The following THOC2 variants were observed in gnomAD, a reference collection of about 807,000 sequenced individuals.
The protein encoded by THOC2 is THO complex subunit 2, also known as THO complex 2.
Under a neutral mutation model 128.4 loss-of-function variants are expected in THOC2, and 10 were observed. The ratio of observed to expected loss-of-function variants is 0.08; its 90% confidence interval spans 0.05 to 0.13. The LOEUF is 0.13. Among genes scored for constraint, THOC2 ranks in the 10% least tolerant of loss-of-function variants. The pLI, the probability that THOC2 is intolerant of heterozygous loss-of-function variation, is 1.00. For synonymous variants in THOC2, 393 were observed against 396.9 expected (o/e 0.99, Z 0.12); for missense variants, 535 against 1,155.7 (o/e 0.46, Z 7.79).
chrX:123,688,072 A>C (rs2050080116), intron 7 of THOC2, among the ~76,000 whole-genome samples: 1 of 112,278 alleles, frequency 8.9e-6, no homozygotes. Context: ...GTTTCTTTAA[A>C]ATTTAAACTT....
chrX:123,703,392 T>C, intron 4 of THOC2, 62 bp downstream of exon 4: 1 of 747,602 alleles, frequency 1.3e-6, no homozygotes. Context: ...AAACATTTTA[T>C]TTAACAAACA....
At chrX:123,699,862 C>T (rs1008134629) in intron 4 of THOC2, among the ~76,000 whole-genome samples, 3 of 111,919 alleles carry the variant, frequency 2.7e-5, no homozygotes, top group Non-Finnish European at 5.6e-5. Flanking sequence ...TGTTAGGAAA[C>T]GCTTAAAAGA....
intron 1 of THOC2, among the ~76,000 whole-genome samples, chrX:123,715,149 A>AC (rs772018420): frequency 2.6e-4 from 27 of 102,080 alleles, no homozygotes; most frequent in African/African-American, 8.7e-4. Context: ...CAGCACCACC[A>AC]CCCCCCCAAC....
At chrX:123,686,796 A>C in intron 7 of THOC2, 82 bp from the exon 8 acceptor site, 133 of 772,970 alleles carry the variant, frequency 1.7e-4, no homozygotes, top group Non-Finnish European at 2.2e-4. Flanking sequence ...GGAATAACTC[A>C]TATAGCAAGA....
At chrX:123,657,953 G>A (rs998093053) in intron 12 of THOC2, among the ~76,000 whole-genome samples, 2 of 86,257 alleles carry the variant, frequency 2.3e-5, no homozygotes, top group Non-Finnish European at 4.4e-5. Context: ...GATTACATAC[G>A]CATATGCGTG....
At chrX:123,662,481 G>A (rs1185579607) in intron 12 of THOC2, among the ~76,000 whole-genome samples, 3 of 107,912 alleles carry the variant, frequency 2.8e-5, no homozygotes, top group African/African-American at 1.0e-4. Flanking sequence ...CCAGCTACTC[G>A]GGAGGCTGAG....
At chrX:123,709,489 G>A (rs1335327336) in intron 2 of THOC2, among the ~76,000 whole-genome samples, 1 of 110,922 alleles carries the variant, frequency 9.0e-6, no homozygotes, top group African/African-American at 3.3e-5. Flanking sequence ...TACTCAGGAG[G>A]TTGAGGCAGG....
intron 12 of THOC2, among the ~76,000 whole-genome samples, chrX:123,660,085 A>G (rs992474667): frequency 1.8e-5 from 2 of 112,062 alleles, no homozygotes; most frequent in Non-Finnish European, 3.8e-5. Context: ...TTCTTCTTAC[A>G]CTGGTCTCTA....
At chrX:123,619,691 C>T (rs1396356036) in intron 32 of THOC2, 5 of 323,180 alleles carry the variant, frequency 1.5e-5, no homozygotes, top group African/African-American at 1.3e-4. Flanking sequence ...AAATAAATGT[C>T]AATGCCACAT....
chrX:123,610,952 G>A lies in THOC2; in HGVS notation c.4766C>T (p.Ser1589Leu), dbSNP rs752066937. 6.6e-6 allele frequency: 8 copies of A among 1,208,633 alleles called. No homozygotes were observed. The highest frequency in any genetic ancestry group is 4.4e-5 in the Admixed American group (2 of 45,564). ...AAGTCTTCATTATCTGTGCTTGTCC[G>A]AGGACTTATGAGTAGATGACAAATT... ...GKEEKKHHKS[S>L]DKHR The change falls in exon 38 of 39, where the codon TCG becomes TTG. Residue 1589 changes from serine to leucine, a missense_variant. Ser to Leu is a moderately radical substitution (Grantham distance 145). Around this residue, in one of 9 missense-constraint regions of THOC2, gnomAD observed 39 missense variants for 93.1 expected, o/e 0.42. Coordinates refer to ENST00000245838, the MANE Select transcript of THOC2 (RefSeq NM_001081550.2).
chrX:123,610,745 C>T (rs1173562326), intron 38 of THOC2, among the ~76,000 whole-genome samples, 173 bp downstream of exon 38: 2 of 111,941 alleles, frequency 1.8e-5, no homozygotes, highest in Non-Finnish European at 3.8e-5. Flanking sequence ...ATGAAAACAG[C>T]TTAAAAATAA....
chrX:123,696,629 T>C (rs1360096365), intron 6 of THOC2, 92 bp downstream of exon 6: 4 of 933,115 alleles, frequency 4.3e-6, no homozygotes, highest in Non-Finnish European at 5.7e-6. Context: ...AAAACAATCT[T>C]CAAAGTCCCC....
intron 12 of THOC2, among the ~76,000 whole-genome samples, chrX:123,663,193 G>A (rs764703164): frequency 3.6e-5 from 4 of 111,620 alleles, no homozygotes; most frequent in East Asian, 5.6e-4. Context: ...CAACCCAAAC[G>A]CCCATCAACT....
At chrX:123,708,572 C>T (rs1688327354) in intron 2 of THOC2, among the ~76,000 whole-genome samples, 1 of 109,413 alleles carries the variant, frequency 9.1e-6, no homozygotes. Flanking sequence ...AACTAAGGTC[C>T]CATGAGAATA....
At chrX:123,601,702 A>G (rs2046287389) in intron 38 of THOC2, 1 of 111,052 alleles carries the variant, frequency 9.0e-6, no homozygotes, top group Non-Finnish European at 1.9e-5. Flanking sequence ...TGACTTAAAA[A>G]AAAAATTGAA....
At chrX:123,667,769 AAC>A (rs1214915655) in intron 10 of THOC2, among the ~76,000 whole-genome samples, 2 of 110,091 alleles carry the variant, frequency 1.8e-5, no homozygotes, top group Non-Finnish European at 3.8e-5. Flanking sequence ...TAAAAAAAAA[AAC>A]AGACACAGGC....
At chrX:123,689,360 G>A (rs930499630) in intron 7 of THOC2, among the ~76,000 whole-genome samples, 7 of 112,023 alleles carry the variant, frequency 6.2e-5, no homozygotes, top group East Asian at 5.6e-4. Context: ...CTCAGGTGCC[G>A]TAAGTCCAAT....
intron 4 of THOC2, among the ~76,000 whole-genome samples, chrX:123,700,719 T>C (rs915116037): frequency 1.8e-5 from 2 of 112,085 alleles, no homozygotes; most frequent in African/African-American, 6.5e-5. Flanking sequence ...TGCATGGCCT[T>C]GAAAAATCAC....
At position 123,718,041 on chromosome X, in the gene THOC2, A is replaced by G. The variant is rs913114673; in HGVS notation, c.72-5133T>C. Among the ~76,000 whole-genome samples, 11 of 112,745 alleles carry G rather than the reference A, an allele frequency of 9.8e-5. No individual in the cohort carries two copies. The East Asian group carries it at 3.0e-3, about 31-fold the overall frequency. On this transcript the variant is annotated intron_variant, in intron 1 of 38. Coordinates refer to ENST00000245838, the MANE Select transcript of THOC2 (RefSeq NM_001081550.2). ...TAAATATAAGGCCAGCCAACTGTAT[A>G]TTACAAAACTAGGGTAATTAAAAGA...
Sources: gnomAD v4.1 joint callset for allele counts (sites outside exome capture counted in the v4.1 genomes callset) on GRCh38, gnomAD v4.1.1 for gene constraint, gnomAD v4.1.1 regional missense constraint, MANE v1.5 for transcripts, NCBI Gene and HGNC (gene_info 2026-07-23, HGNC 2026-07-21) for gene names.